The following CDH12 variants were observed in gnomAD, a reference collection of about 807,000 sequenced individuals.
CDH12 encodes the protein cadherin 12, also known as cadherin-12.
In CDH12, 41 loss-of-function variants were observed where a neutral mutation model predicts 74.1. The observed-to-expected ratio is 0.55, with a 90% CI of 0.43 to 0.72. The LOEUF (loss-of-function observed/expected upper bound fraction) is 0.72, where lower values mean the gene tolerates loss of function less well. Ranked by LOEUF, CDH12 falls within the 30% of genes least tolerant of loss-of-function variation. The pLI, the probability that CDH12 is intolerant of heterozygous loss-of-function variation, is 0.00. For synonymous variants in CDH12, 399 were observed against 355.0 expected (o/e 1.12, Z -1.39); for missense variants, 945 against 977.2 (o/e 0.97, Z 0.44).
At chr5:22,451,114 G>T (rs929480854) in intron 2 of CDH12, among the ~76,000 whole-genome samples, 1 of 151,516 alleles carries the variant, frequency 6.6e-6, no homozygotes, top group African/African-American at 2.4e-5. Context: ...ACTATATTAG[G>T]TTTCTTGTGA....
chr5:22,812,762 A>G (rs1199529092), intron 1 of CDH12, among the ~76,000 whole-genome samples: 1 of 152,192 alleles, frequency 6.6e-6, no homozygotes, highest in Non-Finnish European at 1.5e-5. Context: ...GTATTTGACT[A>G]CAGTTCCTAT....
Position 22,353,133 on chromosome 5 carries a change from CATT to C in CDH12, c.-333+52121_-333+52123del, listed in dbSNP as rs1219745827. 4.6e-5 allele frequency among the ~76,000 whole-genome samples: 7 copies of C among 152,310 alleles called. No individual in the cohort carries two copies. In the East Asian group the frequency reaches 7.7e-4, roughly 17 times the overall value. ...GTTACAGTCATCAGTCTTATATCAT[CATT>C]TTCTCTCCAACAGTGTTTATGTATT... On this transcript the variant is annotated intron_variant, in intron 3 of 14. Transcript: ENST00000382254.
chr5:22,009,159 A>T (rs1011513388), intron 5 of CDH12, among the ~76,000 whole-genome samples: 1 of 152,106 alleles, frequency 6.6e-6, no homozygotes, highest in Non-Finnish European at 1.5e-5. Flanking sequence ...CGACTAATAT[A>T]CCCTGTTCTT....
At chr5:22,427,132 A>T (rs1432340073) in intron 2 of CDH12, among the ~76,000 whole-genome samples, 4 of 152,054 alleles carry the variant, frequency 2.6e-5, no homozygotes, top group African/African-American at 7.2e-5. Flanking sequence ...AGTCACTATC[A>T]ATTATTTGTA....
intron 5 of CDH12, among the ~76,000 whole-genome samples, chr5:22,041,531 A>G (rs1451869360): frequency 6.6e-6 from 1 of 152,156 alleles, no homozygotes; most frequent in Non-Finnish European, 1.5e-5. Context: ...ATACTTATAT[A>G]ACAAACAACA....
intron 5 of CDH12, among the ~76,000 whole-genome samples, chr5:22,018,738 T>C (rs1737770702): frequency 6.6e-6 from 1 of 152,236 alleles, no homozygotes; most frequent in South Asian, 2.1e-4. Context: ...AAATGTGATG[T>C]ACTAATGACT....
intron 8 of CDH12, among the ~76,000 whole-genome samples, chr5:21,823,881 T>C (rs1415681352): frequency 1.3e-5 from 2 of 152,156 alleles, no homozygotes; most frequent in Admixed American, 6.5e-5. Flanking sequence ...ACAAACTTTT[T>C]TTTTTATTTG....
rs201926534 is a variant in CDH12 at position 22,532,371 on chromosome 5, ATATATATG to A, written c.-522-27015_-522-27008del. On this transcript the variant is annotated intron_variant, in intron 1 of 14. Transcript: ENST00000382254. ...ATAGGATATATATATATATATATAT[ATATATATG>A]TATGTATCCTATTTTGCTCCTATCC... Among the ~76,000 whole-genome samples, 210 of 71,520 alleles carry A rather than the reference ATATATATG, an allele frequency of 2.9e-3. 16 individuals carry two copies. In the East Asian group the frequency reaches 0.04, roughly 13 times the overall value. The allele number at this position is 71,520 out of a possible 152,430, so 46.9% of individuals were successfully genotyped here.
At chr5:22,823,184 G>A (rs1749801814) in intron 1 of CDH12, among the ~76,000 whole-genome samples, 2 of 143,766 alleles carry the variant, frequency 1.4e-5, no homozygotes, top group African/African-American at 5.1e-5. Context: ...ATTGAACAAT[G>A]AGAACACTTG....
chr5:21,880,041 G>A (rs193195313), intron 6 of CDH12, among the ~76,000 whole-genome samples: 90 of 152,278 alleles, frequency 5.9e-4, no homozygotes, highest in African/African-American at 2.0e-3. Flanking sequence ...TTAGCAGCTG[G>A]CCCCAAAAGT....
At chr5:22,794,940 A>G (rs1263288822) in intron 1 of CDH12, among the ~76,000 whole-genome samples, 2 of 152,144 alleles carry the variant, frequency 1.3e-5, no homozygotes, top group Non-Finnish European at 2.9e-5. Context: ...GATGTTATAT[A>G]TATACATATG....
At chr5:22,522,391 T>C (rs1737091227) in intron 1 of CDH12, among the ~76,000 whole-genome samples, 1 of 152,222 alleles carries the variant, frequency 6.6e-6, no homozygotes, top group African/African-American at 2.4e-5. Flanking sequence ...AACAGACTAC[T>C]CAACTGTGTA....
chr5:22,600,032 A>G (rs1370873247), intron 1 of CDH12, among the ~76,000 whole-genome samples: 2 of 152,100 alleles, frequency 1.3e-5, no homozygotes, highest in Non-Finnish European at 2.9e-5. Flanking sequence ...AGATTGTCTC[A>G]ATGGGGAAAA....
intron 3 of CDH12, among the ~76,000 whole-genome samples, chr5:22,355,170 G>T: frequency 8.4e-6 from 1 of 118,438 alleles, no homozygotes; most frequent in South Asian, 2.5e-4. Context: ...GTATCATAAT[G>T]ACTGTCATTA....
chr5:21,839,107 A>G (rs1359482322), intron 8 of CDH12, among the ~76,000 whole-genome samples: 1 of 152,136 alleles, frequency 6.6e-6, no homozygotes, highest in African/African-American at 2.4e-5. Flanking sequence ...GTCCTCCTCA[A>G]CTAGCTATTA....
intron 1 of CDH12, among the ~76,000 whole-genome samples, chr5:22,603,659 C>T (rs1041537648): frequency 2.6e-5 from 4 of 152,128 alleles, no homozygotes; most frequent in Admixed American, 6.5e-5. Flanking sequence ...GAAATCTACT[C>T]TTTAAATATT....
At chr5:22,342,793 CCCTT>C (rs200748098) in intron 3 of CDH12, among the ~76,000 whole-genome samples, 14,035 of 146,634 alleles carry the variant, frequency 0.096, 1,014 homozygotes, top group Non-Finnish European at 0.15. Flanking sequence ...TTCCCTCCCT[CCCTT>C]CTTTCTCTTT....
intron 4 of CDH12, among the ~76,000 whole-genome samples, chr5:22,191,190 C>T (rs1413256942): frequency 6.6e-6 from 1 of 152,050 alleles, no homozygotes; most frequent in East Asian, 1.9e-4. Context: ...CTTCCCTCTT[C>T]ATCTAGTAAA....
chr5:21,791,675 T>C (rs1209758519), intron 10 of CDH12, among the ~76,000 whole-genome samples: 4 of 102,212 alleles, frequency 3.9e-5, no homozygotes, highest in African/African-American at 6.6e-5. Context: ...TGTACAGTGA[T>C]TGTTGCTAAA....
Sources: allele counts gnomAD v4.1 joint callset (sites outside exome capture counted in the v4.1 genomes callset), GRCh38; gene constraint gnomAD v4.1.1; transcripts MANE v1.5; gene names NCBI Gene and HGNC (gene_info 2026-07-23, HGNC 2026-07-21).